Variants in WDR27 observed in about 807,000 individuals in gnomAD.
WDR27 encodes WD repeat domain 27.
In WDR27, 100 loss-of-function variants were observed where a neutral mutation model predicts 114.4. The ratio of observed to expected loss-of-function variants is 0.87; its 90% CI spans 0.74 to 1.03. The LOEUF (loss-of-function observed/expected upper bound fraction) is 1.03. Among genes scored for constraint, WDR27 ranks in the 50% least tolerant of loss-of-function variants. The pLI, the probability that WDR27 is intolerant of heterozygous loss-of-function variation, is 0.00. For synonymous variants in WDR27, 449 were observed against 423.1 expected, an observed-to-expected ratio of 1.06 and a Z score of -0.75; for missense variants, 1,129 against 1,092.9, an observed-to-expected ratio of 1.03 and a Z score of -0.47.
At chr6:169,680,618 T>G (rs1781259109) in intron 2 of WDR27, among the ~76,000 whole-genome samples, 2 of 152,216 alleles carry the variant, frequency 1.3e-5, no homozygotes, top group Non-Finnish European at 1.5e-5. Flanking sequence ...ATTGTTTAAA[T>G]ATCTTTAAAA....
intron 16 of WDR27, among the ~76,000 whole-genome samples, chr6:169,645,434 A>G (rs1269391180): frequency 6.7e-6 from 1 of 150,354 alleles, no homozygotes; most frequent in Non-Finnish European, 1.5e-5. Flanking sequence ...ACTACAGAAA[A>G]GCCTAGTTCA....
At chr6:169,612,441 G>GAACA (rs1220171818) in intron 22 of WDR27, among the ~76,000 whole-genome samples, 3 of 141,016 alleles carry the variant, frequency 2.1e-5, no homozygotes, top group Non-Finnish European at 4.7e-5. Context: ...ACAAACAAAC[G>GAACA]AACAAACAAA....
At chr6:169,660,573 C>G (rs1825790628) in intron 10 of WDR27, 90 bp downstream of exon 10, 5 of 1,067,622 alleles carry the variant, frequency 4.7e-6, no homozygotes, top group Middle Eastern at 2.0e-4. Flanking sequence ...ATTCACACGG[C>G]AAGGCCTTCT....
intron 13 of WDR27, chr6:169,657,676 A>C (rs1824616077): frequency 6.5e-6 from 1 of 152,796 alleles, no homozygotes; most frequent in African/African-American, 2.4e-5. Flanking sequence ...ACCATCTTAA[A>C]GTGAAAGTTA....
Position 169,465,886 on chromosome 6 carries a change from T to C in WDR27, c.2646-8252A>G, listed in dbSNP as rs779845827. ...GACTGAGGAAGGGGATGGGGAATTA[T>C]TACTTAATGGGCATGAAGTTTCAGG... On this transcript the variant is annotated intron_variant, in intron 25 of 25. Coordinates refer to ENST00000448612, the MANE Select transcript of WDR27 (RefSeq NM_182552.5). 4.0e-4 allele frequency among the ~76,000 whole-genome samples: 61 copies of C among 152,306 alleles called. No homozygotes were observed. In the Middle Eastern group the frequency reaches 0.01, roughly 25 times the overall value.
intron 21 of WDR27, among the ~76,000 whole-genome samples, chr6:169,615,348 G>A (rs1224597150): frequency 1.3e-5 from 2 of 152,104 alleles, no homozygotes; most frequent in Non-Finnish European, 2.9e-5. Flanking sequence ...GCTACCAATA[G>A]CTGTGTTTTC....
intron 25 of WDR27, among the ~76,000 whole-genome samples, chr6:169,552,463 G>T (rs1798283166): frequency 6.6e-6 from 1 of 152,116 alleles, no homozygotes; most frequent in Non-Finnish European, 1.5e-5. Flanking sequence ...TTGGACAAAT[G>T]ATATATATTT....
chr6:169,460,750 G>C (rs1409526254), intron 25 of WDR27, among the ~76,000 whole-genome samples: 1 of 152,152 alleles, frequency 6.6e-6, no homozygotes, highest in Non-Finnish European at 1.5e-5. Flanking sequence ...ACATACTCAA[G>C]TCCCATAGTT....
rs1463579297 is a variant in WDR27 at position 169,555,432 on chromosome 6, T to C, written c.2645+16987A>G. ...ATGGAAGGGAGACCAGGCGGAAAGG[T>C]AGACTTGGCAGCACGAGCTCAGCCT... is the stretch of plus-strand genomic sequence containing the variant. On this transcript the variant is annotated intron_variant, in intron 25 of 25. Transcript: ENST00000448612. Among the ~76,000 whole-genome samples the C allele has an allele frequency of 2.0e-5, 3 of 151,988 alleles. No homozygotes were observed. In the East Asian group the frequency reaches 5.8e-4, roughly 29 times the overall value.
At chr6:169,588,909 G>A (rs1291683550) in intron 23 of WDR27, among the ~76,000 whole-genome samples, 4 of 152,210 alleles carry the variant, frequency 2.6e-5, no homozygotes, top group African/African-American at 4.8e-5. Context: ...ATGACAGGTA[G>A]AGAGCACTTT....
At chr6:169,637,762 T>C (rs1174463192) in intron 18 of WDR27, among the ~76,000 whole-genome samples, 1 of 152,016 alleles carries the variant, frequency 6.6e-6, no homozygotes, top group Non-Finnish European at 1.5e-5. Flanking sequence ...AGTGTGCGTA[T>C]GTGTATGCAT....
intron 8 of WDR27, 53 bp downstream of exon 8, chr6:169,664,113 G>A: frequency 6.7e-7 from 1 of 1,482,238 alleles, no homozygotes; most frequent in Admixed American, 2.3e-5. Context: ...CATGGCGCCT[G>A]GTGAAAGATC....
intron 21 of WDR27, among the ~76,000 whole-genome samples, chr6:169,618,452 A>T (rs143171713): frequency 4.8e-4 from 73 of 152,242 alleles, no homozygotes; most frequent in African/African-American, 1.6e-3. Context: ...TGAGCCATTT[A>T]ATAATATAAC....
intron 25 of WDR27, among the ~76,000 whole-genome samples, chr6:169,481,609 A>T (rs112851761): frequency 0.013 from 1,908 of 152,076 alleles, 36 homozygotes; most frequent in African/African-American, 0.04. Context: ...AACCAACTAG[A>T]AGGAACGAAC....
chr6:169,698,407 G>GACAC (rs143177967), intron 1 of WDR27, among the ~76,000 whole-genome samples: 5 of 151,494 alleles, frequency 3.3e-5, no homozygotes, highest in Non-Finnish European at 7.4e-5. Context: ...GGGACACACC[G>GACAC]ACACACACAC....
At chr6:169,638,769 A>G (rs1454318624) in intron 17 of WDR27, 109 bp from the exon 18 acceptor site, 2 of 1,404,388 alleles carry the variant, frequency 1.4e-6, no homozygotes, top group Admixed American at 2.2e-5. Context: ...AGCATTTTTC[A>G]AGTAATTAGG....
chr6:169,646,742 T>G (rs1227650718), intron 16 of WDR27, among the ~76,000 whole-genome samples: 2 of 143,274 alleles, frequency 1.4e-5, no homozygotes, highest in Non-Finnish European at 3.0e-5. Flanking sequence ...AGTGAGTCTC[T>G]GTCTCAAAAA....
the WDR27 span, among the ~76,000 whole-genome samples, chr6:169,449,456 A>G: frequency 6.6e-6 from 1 of 152,284 alleles, no homozygotes; most frequent in African/African-American, 2.4e-5. Context: ...AGCAGACAGG[A>G]TCACATGCCT....
chr6:169,488,843 TA>T (rs1439374787), intron 25 of WDR27, among the ~76,000 whole-genome samples: 2 of 151,874 alleles, frequency 1.3e-5, no homozygotes, highest in East Asian at 3.9e-4. Flanking sequence ...GATGGCAGCA[TA>T]ATCGTCTTTT....
Sources: allele counts gnomAD v4.1 joint callset (sites outside exome capture counted in the v4.1 genomes callset), GRCh38; gene constraint gnomAD v4.1.1; transcripts MANE v1.5; gene names NCBI Gene and HGNC (gene_info 2026-07-23, HGNC 2026-07-21).